CD46: variants seen among roughly 807,000 people sequenced by gnomAD.
CD46 encodes the protein membrane cofactor protein.
CD46 carries 30 observed loss-of-function variants against 53.3 expected under a neutral mutation model. That is an observed-to-expected ratio of 0.56 (90% CI 0.42 to 0.76). The LOEUF is 0.76. Among genes scored for constraint, CD46 ranks in the 30% least tolerant of loss-of-function variants. The pLI is 0.00. For synonymous variants in CD46, 142 were observed against 152.0 expected (o/e 0.93, Z 0.48); for missense variants, 409 against 463.0 (o/e 0.88, Z 1.07).
rs781097294 is a variant in CD46, at chr1:207,767,035, A to G, written c.696A>G (p.Val232=). The stretch of plus-strand genomic sequence containing the variant: ...CAGTGGTCAAATGTCGATTTCCAGT[A>G]GTCGAAAATGGAAAACAGATATCAG... ...ECKVVKCRFP[V]VENGKQISGF... The change falls in exon 6 of 13, where the codon GTA becomes GTG. Residue 232 remains valine, a synonymous_variant. Coordinates refer to ENST00000367042, the MANE Select transcript of CD46 (RefSeq NM_172351.3). 9 of 1,613,532 alleles carry G rather than the reference A, an allele frequency of 5.6e-6. No homozygotes were observed. The South Asian group carries it at 9.9e-5, about 18-fold the overall frequency.
Position 207,778,451 on chromosome 1 carries a change from T to C in CD46, c.944-4841T>C, listed in dbSNP as rs1445817879. 3.3e-5 allele frequency among the ~76,000 whole-genome samples: 5 copies of C among 152,170 alleles called. No individual in the cohort carries two copies. The South Asian group carries it at 6.2e-4, about 19-fold the overall frequency. On this transcript the variant is annotated intron_variant, in intron 8 of 12. Transcript: ENST00000367042. ...ATGCAAATCTTTAATCCATCTTGAG[T>C]TGATTTTTGTGTATGGTGTAAGGAA...
At chr1:207,767,870 C>T (rs1335367436) in intron 7 of CD46, 47 bp downstream of exon 7, 3 of 1,411,414 alleles carry the variant, frequency 2.1e-6, no homozygotes, top group Middle Eastern at 1.8e-4. Flanking sequence ...CTTTAAATTC[C>T]TGGTGATTTT....
chr1:207,770,840 G>C (rs1207063036), intron 8 of CD46, among the ~76,000 whole-genome samples: 1 of 152,242 alleles, frequency 6.6e-6, no homozygotes, highest in East Asian at 1.9e-4. Context: ...CTTTGCTATT[G>C]TGAATAGTGC....
At chr1:207,787,601 A>C (rs41317989) in intron 11 of CD46, among the ~76,000 whole-genome samples, 83 of 152,358 alleles carry the variant, frequency 5.4e-4, no homozygotes, top group Non-Finnish European at 1.0e-3. Flanking sequence ...TCCTGCAAAT[A>C]GTAGCACAAC....
At chr1:207,775,580 C>G (rs553282318) in intron 8 of CD46, among the ~76,000 whole-genome samples, 1 of 152,226 alleles carries the variant, frequency 6.6e-6, no homozygotes, top group East Asian at 1.9e-4. Flanking sequence ...GATGCTATTC[C>G]TTTCTGTTTG....
At chr1:207,769,957 GGTTT>G (rs1657300998) in intron 7 of CD46, 2 of 215,924 alleles carry the variant, frequency 9.3e-6, no homozygotes, top group African/African-American at 2.4e-5. Context: ...GTAGAGACGG[GGTTT>G]CTCCATGATG....
At chr1:207,775,893 C>G (rs1047189828) in intron 8 of CD46, among the ~76,000 whole-genome samples, 1 of 152,216 alleles carries the variant, frequency 6.6e-6, no homozygotes, top group African/African-American at 2.4e-5. Context: ...CACCACTGCT[C>G]TCTTCAGAGC....
At chr1:207,791,629 A>G (rs562698136) in intron 12 of CD46, among the ~76,000 whole-genome samples, 1 of 152,336 alleles carries the variant, frequency 6.6e-6, no homozygotes, top group African/African-American at 2.4e-5. Flanking sequence ...TTTTCCATTT[A>G]ATATTTTTGA....
chr1:207,757,504 A>T (rs768430531), intron 2 of CD46, 36 bp from the exon 3 acceptor site: 24 of 1,334,958 alleles, frequency 1.8e-5, no homozygotes, highest in Non-Finnish European at 2.6e-5. Context: ...CTGTTTTATA[A>T]CTGGATTGAA....
intron 5 of CD46, chr1:207,763,205 A>G (rs1233532173): frequency 6.6e-6 from 1 of 152,562 alleles, no homozygotes; most frequent in Non-Finnish European, 1.5e-5. Flanking sequence ...CTCCAGCTGC[A>G]ATTGCATTCT....
At chr1:207,763,357 C>T (rs540422164) in intron 5 of CD46, 35 of 152,550 alleles carry the variant, frequency 2.3e-4, no homozygotes, top group African/African-American at 8.2e-4. Flanking sequence ...GCTGGCTCCT[C>T]TGCTAATTCC....
At chr1:207,777,028 T>C (rs1658191602) in intron 8 of CD46, among the ~76,000 whole-genome samples, 1 of 152,196 alleles carries the variant, frequency 6.6e-6, no homozygotes, top group South Asian at 2.1e-4. Context: ...GTTAGGTTTC[T>C]AAAATATTTT....
intron 3 of CD46, among the ~76,000 whole-genome samples, chr1:207,758,060 GC>G (rs1168184607): frequency 6.6e-6 from 1 of 152,208 alleles, no homozygotes. Context: ...GACGCGGTTA[GC>G]CTTTACCATC....
intron 9 of CD46, 137 bp from the exon 10 acceptor site, chr1:207,784,934 T>G: frequency 1.4e-6 from 1 of 730,724 alleles, no homozygotes; most frequent in African/African-American, 1.7e-5. Context: ...CACGTGGGGA[T>G]TATGGGAATT....
Position 207,752,376 on chromosome 1 carries a change from C to T in CD46, c.97+67C>T. 1.4e-6 allele frequency: 2 copies of T among 1,462,294 alleles called. No individual in the cohort carries two copies. The highest frequency in any genetic ancestry group is 2.3e-5 in the East Asian group (1 of 44,200). 90.6% of individuals were successfully genotyped at this position (1,462,294 alleles called of 1,614,324 possible). On this transcript the variant is annotated intron_variant, in intron 1 of 12. Transcript: ENST00000367042. The surrounding 1 kb of genome is among the most constrained non-coding windows in gnomAD (Gnocchi z 4.1). ...GAGCTCTCCTCAGTCGGGCAAGAGT[C>T]GCGGGGCGGGGCTCACAGCAGGCCG...
intron 4 of CD46, chr1:207,759,949 A>C: frequency 2.5e-6 from 1 of 402,904 alleles, no homozygotes; most frequent in South Asian, 2.6e-5. Context: ...GTCTCAGGCT[A>C]TTTCCCAGGC....
chr1:207,782,640 C>CTTTTTTTTTTTTTT (rs35546891), intron 8 of CD46, among the ~76,000 whole-genome samples: 1 of 62,604 alleles, frequency 1.6e-5, no homozygotes, highest in African/African-American at 7.0e-5. Flanking sequence ...ATTAATCCCT[C>CTTTTTTTTTTTTTT]TTTTTTTTTT....
Position 207,752,099 on chromosome 1 carries a change from T to G in CD46, c.-114T>G. The G allele has an allele frequency of 6.6e-5, 66 of 1,005,436 alleles. No homozygotes were observed. Among genetic ancestry groups the G allele is most frequent in the Non-Finnish European group, 9.7e-5 (62 of 637,610 alleles). The allele number at this position is 1,005,436 out of a possible 1,614,324, so 62.3% of individuals were successfully genotyped here. ...CTGTCCTGCAGCACTGGATGCTTTG[T>G]GAGTTGGGGATTGTTGCGTCCCATA... On this transcript the variant is annotated 5_prime_UTR_variant, in exon 1 of 13. Coordinates refer to ENST00000367042, the MANE Select transcript of CD46 (RefSeq NM_172351.3). This position sits in a 1 kb window ranked among gnomAD's most constrained non-coding sequence, Gnocchi z 4.1.
Position 207,790,316 on chromosome 1 carries a change from G to C in CD46, c.*12G>C, listed in dbSNP as rs375963513. 10 of 1,588,022 alleles carry C rather than the reference G, an allele frequency of 6.3e-6. No individual in the cohort carries two copies. Among genetic ancestry groups the C allele is most frequent in the Non-Finnish European group, 7.8e-6 (9 of 1,156,618 alleles). On this transcript the variant is annotated 3_prime_UTR_variant, in exon 12 of 13. Transcript: ENST00000367042. ...TTACTTCTCTCTGAGAAGGAGAGAT[G>C]AGAGAAAGGTTTGCTTTTATCATTA...
Sources: allele counts gnomAD v4.1 joint callset (sites outside exome capture counted in the v4.1 genomes callset), GRCh38; gene constraint gnomAD v4.1.1; non-coding constraint Gnocchi (gnomAD v3.1); transcripts MANE v1.5; gene names NCBI Gene and HGNC (gene_info 2026-07-23, HGNC 2026-07-21).